Variants in RGL1 observed in about 807,000 individuals in gnomAD.
RGL1 encodes ral guanine nucleotide dissociation stimulator-like 1.
A neutral mutation model predicts 95.2 loss-of-function variants in RGL1; 24 were observed. That is an observed-to-expected ratio of 0.25 (90% confidence interval 0.18 to 0.35). The LOEUF (loss-of-function observed/expected upper bound fraction) is 0.35. RGL1 is among the 10% of genes least tolerant of loss of function. RGL1 has a pLI of 1.00. For missense variants in RGL1, 715 were observed against 936.3 expected (o/e 0.76, Z 3.08); for synonymous variants, 329 against 344.9 (o/e 0.95, Z 0.51).
intron 1 of RGL1, chr1:183,647,914 G>A (rs761532049): frequency 1.2e-5 from 20 of 1,614,064 alleles, no homozygotes; most frequent in Non-Finnish European, 1.6e-5. Flanking sequence ...AAAACAACAG[G>A]AGCCCTGAGG....
chr1:183,651,766 C>CAT (rs1356120006), intron 1 of RGL1, among the ~76,000 whole-genome samples: 1 of 152,198 alleles, frequency 6.6e-6, no homozygotes, highest in Non-Finnish European at 1.5e-5. Flanking sequence ...TAGACCTTGT[C>CAT]ATAGCTTTCC....
intron 1 of RGL1, among the ~76,000 whole-genome samples, chr1:183,737,346 A>G (rs1272597654): frequency 6.6e-6 from 1 of 152,246 alleles, no homozygotes; most frequent in Admixed American, 6.5e-5. Context: ...GCCCTTTGTT[A>G]TGACCATGGA....
In RGL1 at chr1:183,808,210, C is replaced by A. The variant is rs1384280795; in HGVS notation, c.138+1725C>A. ...GCTCAGAGTTATTTAGTAATCCCCACTGACTGTTCTCTTCACTAGACTTCA... is the reference window on the plus strand; with the variant it reads ...GCTCAGAGTTATTTAGTAATCCCCAATGACTGTTCTCTTCACTAGACTTCA... On this transcript the variant is annotated intron_variant, in intron 2 of 17. Coordinates refer to ENST00000360851, the MANE Select transcript of RGL1 (RefSeq NM_001297671.3). 2.6e-5 allele frequency among the ~76,000 whole-genome samples: 4 copies of A among 152,366 alleles called. 1 individual carries two copies. Among genetic ancestry groups the A allele is most frequent in the African/African-American group, 9.6e-5 (4 of 41,590 alleles).
chr1:183,737,726 A>G (rs568779242), intron 1 of RGL1, among the ~76,000 whole-genome samples: 4 of 152,314 alleles, frequency 2.6e-5, no homozygotes, highest in African/African-American at 4.8e-5. Context: ...GCAGTATGCA[A>G]TCACAATCCT....
chr1:183,772,286 G>C (rs1210989209), intron 2 of RGL1, among the ~76,000 whole-genome samples: 3 of 152,190 alleles, frequency 2.0e-5, no homozygotes, highest in Non-Finnish European at 2.9e-5. Flanking sequence ...CACGCCCACT[G>C]GGGCTTCAGG....
At chr1:183,689,240 A>T (rs1260785160) in intron 1 of RGL1, among the ~76,000 whole-genome samples, 1 of 152,198 alleles carries the variant, frequency 6.6e-6, no homozygotes, top group Non-Finnish European at 1.5e-5. Context: ...TAAATTAAAA[A>T]ATATATATTC....
At chr1:183,739,890 C>G (rs1657181652) in intron 1 of RGL1, among the ~76,000 whole-genome samples, 2 of 152,300 alleles carry the variant, frequency 1.3e-5, no homozygotes, top group African/African-American at 4.8e-5. Flanking sequence ...GAGAAAGCAG[C>G]TGTGGGCAGA....
chr1:183,684,293 A>G (rs1424336954), intron 1 of RGL1, among the ~76,000 whole-genome samples: 2 of 152,118 alleles, frequency 1.3e-5, no homozygotes, highest in Admixed American at 6.5e-5. Flanking sequence ...GTTTTTCCTC[A>G]TCTTCATGGA....
At chr1:183,711,966 C>T (rs967756830) in intron 1 of RGL1, among the ~76,000 whole-genome samples, 4 of 152,132 alleles carry the variant, frequency 2.6e-5, no homozygotes, top group Non-Finnish European at 5.9e-5. Flanking sequence ...ATCTATAAAT[C>T]TAGAGTAGCA....
chr1:183,884,755 C>G lies in RGL1; in HGVS notation c.768C>G (p.Cys256Trp). The G allele has an allele frequency of 6.2e-7, 1 of 1,614,046 alleles. No homozygotes were observed. ...TCAAGAAAGTAGTGCCTCACCACTGCCTGGGCTGCATTTGGTCTCGAAGGG... is the reference window on the plus strand; with the variant it reads ...TCAAGAAAGTAGTGCCTCACCACTGGCTGGGCTGCATTTGGTCTCGAAGGG... ...QLFKKVVPHH[C>W]LGCIWSRRDK... The change falls in exon 7 of 18, where the codon TGC (cysteine) becomes TGG (tryptophan). Residue 256 changes from cysteine (C) to tryptophan (W), a missense_variant. By Grantham distance (215) the Cys-to-Trp change is radical (BLOSUM62 -2). Coordinates refer to ENST00000360851, the MANE Select transcript of RGL1 (RefSeq NM_001297671.3).
At chr1:183,721,660 C>G (rs1656020781) in intron 1 of RGL1, among the ~76,000 whole-genome samples, 1 of 152,194 alleles carries the variant, frequency 6.6e-6, no homozygotes, top group African/African-American at 2.4e-5. Context: ...ATTTAGGCAC[C>G]CTTGTGCCTG....
At chr1:183,645,317 C>T (rs1188381021) in intron 1 of RGL1, among the ~76,000 whole-genome samples, 1 of 152,172 alleles carries the variant, frequency 6.6e-6, no homozygotes, top group Non-Finnish European at 1.5e-5. Flanking sequence ...AATCCATTCT[C>T]CCTGTACTTA....
intron 2 of RGL1, among the ~76,000 whole-genome samples, chr1:183,843,518 C>T (rs1199749639): frequency 1.3e-5 from 2 of 152,238 alleles, no homozygotes; most frequent in Non-Finnish European, 2.9e-5. Flanking sequence ...ATGGGACCCA[C>T]TTCATCAGGT....
chr1:183,755,789 G>T (rs1658289399), intron 2 of RGL1, among the ~76,000 whole-genome samples: 1 of 152,134 alleles, frequency 6.6e-6, no homozygotes, highest in African/African-American at 2.4e-5. Context: ...TATTTCGAGA[G>T]CTTAGAGCAT....
intron 1 of RGL1, among the ~76,000 whole-genome samples, chr1:183,714,717 T>C (rs1051686671): frequency 4.6e-5 from 7 of 152,204 alleles, no homozygotes; most frequent in African/African-American, 1.4e-4. Flanking sequence ...AGTGTCTTTT[T>C]ATCTTTTAAT....
chr1:183,875,641 CA>C (rs1301306962), intron 4 of RGL1, among the ~76,000 whole-genome samples: 1 of 151,768 alleles, frequency 6.6e-6, no homozygotes, highest in Non-Finnish European at 1.5e-5. Flanking sequence ...TTTGGGAGGC[CA>C]AGGCAGGTGG....
chr1:183,645,312 A>T (rs1281655073), intron 1 of RGL1, among the ~76,000 whole-genome samples: 1 of 152,302 alleles, frequency 6.6e-6, no homozygotes, highest in Non-Finnish European at 1.5e-5. Context: ...GAGTAAATCC[A>T]TTCTCCCTGT....
intron 2 of RGL1, among the ~76,000 whole-genome samples, chr1:183,743,236 A>G (rs567496719): frequency 4.6e-5 from 7 of 152,232 alleles, no homozygotes; most frequent in African/African-American, 1.7e-4. Flanking sequence ...CTGGTCTTGA[A>G]GTCCTAGCCT....
chr1:183,880,561 G>T, intron 4 of RGL1, 55 bp from the exon 5 acceptor site: 2 of 1,568,030 alleles, frequency 1.3e-6, no homozygotes, highest in Non-Finnish European at 1.7e-6. Context: ...TCCAGGGATT[G>T]CTTTGCCTCC....
Sources: allele counts gnomAD v4.1 joint callset (sites outside exome capture counted in the v4.1 genomes callset), GRCh38; gene constraint gnomAD v4.1.1; transcripts MANE v1.5; gene names NCBI Gene and HGNC (gene_info 2026-07-23, HGNC 2026-07-21).